Variants in COL4A2 observed in about 807,000 individuals in gnomAD.
COL4A2 encodes collagen type IV alpha 2 chain, also known as collagen alpha-2(IV) chain.
A neutral mutation model predicts 200.2 loss-of-function variants in COL4A2; 99 were observed. That is an observed-to-expected ratio of 0.49 (90% CI 0.42 to 0.58). The LOEUF (loss-of-function observed/expected upper bound fraction) is 0.58, where lower values mean the gene tolerates loss of function less well. Ranked by LOEUF, COL4A2 falls within the 20% of genes least tolerant of loss-of-function variation. The pLI, the probability that COL4A2 is intolerant of heterozygous loss-of-function variation, is 0.00. For missense variants in COL4A2, 1,950 were observed against 2,314.1 expected, an observed-to-expected ratio of 0.84 and a Z score of 3.23; for synonymous variants, 897 against 900.6, an observed-to-expected ratio of 1.00 and a Z score of 0.07.
intron 20 of COL4A2, among the ~76,000 whole-genome samples, chr13:110,455,799 C>G (rs780877182): frequency 3.9e-5 from 6 of 152,210 alleles, no homozygotes; most frequent in African/African-American, 7.2e-5. Context: ...GTGCTCTTTT[C>G]CAAGCAGATA....
intron 4 of COL4A2, among the ~76,000 whole-genome samples, chr13:110,367,498 A>G (rs1381464809): frequency 6.6e-6 from 1 of 152,264 alleles, no homozygotes; most frequent in Admixed American, 6.5e-5. Context: ...TTAGCTCTGC[A>G]TGGCAATAAT....
At chr13:110,492,936 A>C (rs1325831905) in intron 38 of COL4A2, among the ~76,000 whole-genome samples, 1 of 152,190 alleles carries the variant, frequency 6.6e-6, no homozygotes, top group African/African-American at 2.4e-5. Context: ...GGGTGACAGT[A>C]TCAGGTGACA....
At chr13:110,430,653 C>A in intron 10 of COL4A2, 46 bp downstream of exon 10, 2 of 1,612,500 alleles carry the variant, frequency 1.2e-6, no homozygotes, top group South Asian at 2.2e-5. Context: ...ATCGTCCGGT[C>A]ATCCCTTCCA....
In COL4A2 at chr13:110,307,919, C is replaced by A. The variant is rs779582946; in HGVS notation, c.16C>A (p.Arg6Ser). MGRDQRAVAGPALRRW... is the reference protein window; with the variant it reads MGRDQSAVAGPALRRW... ...AACCGCCAGCATGGGGAGAGACCAGCGCGCGGTGGCCGGCCCTGCCCTACG... is the reference window on the plus strand; with the variant it reads ...AACCGCCAGCATGGGGAGAGACCAGAGCGCGGTGGCCGGCCCTGCCCTACG... Residue 6 changes from arginine (R) to serine (S), a missense_variant, in exon 2 of 48, where the codon CGC (arginine) becomes AGC (serine). Coordinates refer to ENST00000360467, the MANE Select transcript of COL4A2 (RefSeq NM_001846.4). This position sits in a 1 kb window ranked among gnomAD's most constrained non-coding sequence, Gnocchi z 5.0. The A allele has an allele frequency of 3.7e-6, 6 of 1,612,630 alleles. No homozygotes were observed.
intron 25 of COL4A2, 68 bp downstream of exon 25, chr13:110,465,674 A>G (rs1005756044): frequency 2.2e-6 from 3 of 1,379,144 alleles, no homozygotes; most frequent in Non-Finnish European, 2.0e-6. Flanking sequence ...TTGTCAGTGT[A>G]GACGTTTCCC....
chr13:110,345,735 C>G (rs7321641), intron 3 of COL4A2, among the ~76,000 whole-genome samples: 9,437 of 152,182 alleles, frequency 0.062, 881 homozygotes, highest in African/African-American at 0.21. Context: ...TGGAGAAGGA[C>G]AGGGGGCAAG....
intron 3 of COL4A2, among the ~76,000 whole-genome samples, chr13:110,319,989 A>C (rs1885236419): frequency 6.6e-6 from 1 of 152,250 alleles, no homozygotes; most frequent in Non-Finnish European, 1.5e-5. Flanking sequence ...CGGTAAGTGC[A>C]GACATCAGGT....
intron 4 of COL4A2, among the ~76,000 whole-genome samples, chr13:110,375,806 G>T (rs532626857): frequency 6.6e-6 from 1 of 151,718 alleles, no homozygotes; most frequent in Non-Finnish European, 1.5e-5. Context: ...CTCCAGCCTG[G>T]ATGACAGAGT....
At chr13:110,383,606 C>CTTTTTTTTTT (rs67906394) in intron 4 of COL4A2, among the ~76,000 whole-genome samples, 2 of 65,330 alleles carry the variant, frequency 3.1e-5, no homozygotes, top group Non-Finnish European at 2.9e-5. Context: ...CAGCCCTTTT[C>CTTTTTTTTTT]TTTTTTTTTT....
intron 3 of COL4A2, among the ~76,000 whole-genome samples, chr13:110,346,204 T>A (rs1055876575): frequency 6.6e-6 from 1 of 152,178 alleles, no homozygotes; most frequent in Non-Finnish European, 1.5e-5. Flanking sequence ...GTTTGAGGCT[T>A]TTGGGGCGTT....
rs1353098387 is a variant in COL4A2 at position 110,508,018 on chromosome 13, C to T, written c.4678C>T (p.Arg1560Trp). Residue 1560 changes from arginine to tryptophan, a missense_variant, in exon 47 of 48, where the codon CGG becomes TGG. Arg to Trp is a moderately radical substitution (Grantham distance 101). Coordinates refer to ENST00000360467, the MANE Select transcript of COL4A2 (RefSeq NM_001846.4). The surrounding 1 kb of genome is among the most constrained non-coding windows in gnomAD (Gnocchi z 6.1). Reference sequence around the variant, plus strand: ...TGGTGATGTCTGCTACTATGCCAGCCGGAACGACAAGTCCTACTGGCTCTC... The same window carrying T: ...TGGTGATGTCTGCTACTATGCCAGCTGGAACGACAAGTCCTACTGGCTCTC... ...NPGDVCYYAS[R>W]NDKSYWLSTT... is the part of the protein sequence containing the mutation. The T allele has an allele frequency of 1.1e-5, 17 of 1,614,088 alleles. No homozygotes were observed. Among genetic ancestry groups the T allele is most frequent in the African/African-American group, 4.0e-5 (3 of 74,932 alleles).
At chr13:110,396,415 A>G (rs1879183786) in intron 4 of COL4A2, among the ~76,000 whole-genome samples, 1 of 152,234 alleles carries the variant, frequency 6.6e-6, no homozygotes, top group African/African-American at 2.4e-5. Flanking sequence ...GGGAGCGTGC[A>G]CAGTCTAACT....
At chr13:110,445,453 T>C (rs1348783211) in intron 16 of COL4A2, among the ~76,000 whole-genome samples, 3 of 152,154 alleles carry the variant, frequency 2.0e-5, no homozygotes, top group African/African-American at 4.8e-5. Context: ...GAACAGATTG[T>C]ACAACACCAC....
rs370033382 is a variant in COL4A2, at chr13:110,357,774, C to G, written c.180+222C>G. ...CTACAAACCTGTACGTAGGCAGTTG[C>G]GACACAGTACTATTTGTATATCTAA... On this transcript the variant is annotated intron_variant, in intron 4 of 47. Transcript: ENST00000360467. 9.9e-5 allele frequency among the ~76,000 whole-genome samples: 15 copies of G among 152,090 alleles called. 1 individual carries two copies. The highest frequency in any genetic ancestry group is 3.1e-4 in the African/African-American group (13 of 41,484).
chr13:110,441,286 T>C (rs1223833743), intron 16 of COL4A2, among the ~76,000 whole-genome samples: 4 of 152,184 alleles, frequency 2.6e-5, no homozygotes, highest in Admixed American at 6.5e-5. Context: ...GGTTCCGCCA[T>C]GCTTGTTCCA....
intron 17 of COL4A2, 77 bp downstream of exon 17, chr13:110,445,959 G>A (rs945706118): frequency 1.3e-6 from 2 of 1,490,554 alleles, no homozygotes; most frequent in Admixed American, 3.4e-5. Context: ...TCTTGATGGT[G>A]TCCTGTGGAG....
At chr13:110,338,885 T>C (rs189513457) in intron 3 of COL4A2, among the ~76,000 whole-genome samples, 1 of 152,300 alleles carries the variant, frequency 6.6e-6, no homozygotes, top group East Asian at 1.9e-4. Context: ...GGGTTTTTGT[T>C]TGGGGCTTTG....
intron 3 of COL4A2, among the ~76,000 whole-genome samples, chr13:110,311,091 A>G (rs1884968645): frequency 6.6e-6 from 1 of 152,014 alleles, no homozygotes; most frequent in South Asian, 2.1e-4. Flanking sequence ...GTGGACTAAC[A>G]GTGGAGCGGG....
At chr13:110,322,630 C>T (rs1404433891) in intron 3 of COL4A2, among the ~76,000 whole-genome samples, 7 of 152,190 alleles carry the variant, frequency 4.6e-5, no homozygotes, top group East Asian at 3.9e-4. Context: ...ACCAAACTGA[C>T]GGTCACCAGC....
Sources: gnomAD v4.1 joint callset for allele counts (sites outside exome capture counted in the v4.1 genomes callset) on GRCh38, gnomAD v4.1.1 for gene constraint, Gnocchi (gnomAD v3.1) non-coding constraint, MANE v1.5 for transcripts, NCBI Gene and HGNC (gene_info 2026-07-23, HGNC 2026-07-21) for gene names.